CNBD1: variants seen among roughly 807,000 people sequenced by gnomAD.
The protein encoded by CNBD1 is cyclic nucleotide-binding domain-containing protein 1.
In CNBD1, 71 loss-of-function variants were observed where a neutral mutation model predicts 54.4. The observed-to-expected ratio is 1.30, with a 90% confidence interval of 1.08 to 1.59. CNBD1 has a LOEUF of 1.59. CNBD1 is among the 40% of genes most tolerant of loss of function. CNBD1 has a pLI of 0.00. For synonymous variants in CNBD1, 182 were observed against 170.7 expected (o/e 1.07, Z -0.51); for missense variants, 659 against 518.0 (o/e 1.27, Z -2.64).
At chr8:87,422,148 T>A (rs1375913144) in intron 2 of CNBD1, among the ~76,000 whole-genome samples, 2 of 147,248 alleles carry the variant, frequency 1.4e-5, no homozygotes, top group Non-Finnish European at 3.0e-5. Context: ...TAAATTTGTT[T>A]GAGTTCATTG....
At chr8:87,382,948 T>C (rs918760968), downstream of CNBD1, 7 of 206,462 alleles carry the variant, frequency 3.4e-5, no homozygotes, top group African/African-American at 1.6e-4. Context: ...TAAATGTTTA[T>C]ATGACCATGC....
chr8:86,981,586 T>C (rs1257941681), intron 4 of CNBD1, among the ~76,000 whole-genome samples: 1 of 152,202 alleles, frequency 6.6e-6, no homozygotes, highest in Non-Finnish European at 1.5e-5. Context: ...GCAGTACATC[T>C]TCCTGAAACC....
At chr8:87,086,508 A>C (rs1811099246) in intron 4 of CNBD1, among the ~76,000 whole-genome samples, 2 of 152,242 alleles carry the variant, frequency 1.3e-5, no homozygotes. Context: ...GTATATTGGC[A>C]AAAGTCTACA....
intron 4 of CNBD1, among the ~76,000 whole-genome samples, chr8:87,160,949 A>T (rs1354519609): frequency 1.3e-5 from 2 of 152,058 alleles, no homozygotes; most frequent in East Asian, 3.9e-4. Context: ...CGTGTTAAGG[A>T]ATTGGCTTAA....
At chr8:87,171,307 C>T (rs1813080575) in intron 4 of CNBD1, among the ~76,000 whole-genome samples, 1 of 151,878 alleles carries the variant, frequency 6.6e-6, no homozygotes, top group Admixed American at 6.6e-5. Flanking sequence ...ATGTTGGTGG[C>T]ATATAGTTCC....
At chr8:87,136,504 TTCC>T (rs1051752061) in intron 4 of CNBD1, among the ~76,000 whole-genome samples, 19 of 130,334 alleles carry the variant, frequency 1.5e-4, no homozygotes, top group African/African-American at 5.5e-4. Flanking sequence ...ATTTTTTTAC[TTCC>T]TTATTTTTAT....
intron 6 of CNBD1, among the ~76,000 whole-genome samples, chr8:87,265,094 G>A (rs1184626121): frequency 1.3e-5 from 2 of 152,072 alleles, no homozygotes; most frequent in East Asian, 3.8e-4. Flanking sequence ...GTCCTGAATG[G>A]TATTGCCTAG....
intron 4 of CNBD1, among the ~76,000 whole-genome samples, chr8:87,130,574 C>G (rs1379983897): frequency 1.3e-5 from 2 of 151,914 alleles, no homozygotes; most frequent in Non-Finnish European, 2.9e-5. Context: ...CCCAGGAGGT[C>G]AAGACCAGCT....
At chr8:87,366,621 A>G (rs1810648298) in intron 10 of CNBD1, among the ~76,000 whole-genome samples, 2 of 152,084 alleles carry the variant, frequency 1.3e-5, no homozygotes, top group African/African-American at 4.8e-5. Flanking sequence ...GTAATATAAC[A>G]TAATCACAGG....
At chr8:86,908,904 C>G (rs1178539766) in intron 3 of CNBD1, among the ~76,000 whole-genome samples, 1 of 151,344 alleles carries the variant, frequency 6.6e-6, no homozygotes, top group African/African-American at 2.4e-5. Context: ...ACTACAGGCA[C>G]CCGCCACTAC....
At chr8:87,022,709 T>A (rs558006641) in intron 4 of CNBD1, among the ~76,000 whole-genome samples, 1 of 152,364 alleles carries the variant, frequency 6.6e-6, no homozygotes, top group South Asian at 2.1e-4. Flanking sequence ...AATGAAATCA[T>A]CTTTGTTAGA....
chr8:87,286,173 C>CA (rs768834174), intron 7 of CNBD1, among the ~76,000 whole-genome samples: 4 of 152,196 alleles, frequency 2.6e-5, no homozygotes, highest in East Asian at 3.9e-4. Context: ...CTAGCTTTAA[C>CA]AAAAAATTCT....
At chr8:87,399,437 G>A (rs1247736393) in intron 2 of CNBD1, among the ~76,000 whole-genome samples, 1 of 151,962 alleles carries the variant, frequency 6.6e-6, no homozygotes, top group African/African-American at 2.4e-5. Context: ...TCACTTAATT[G>A]GAGGTAAACT....
intron 8 of CNBD1, among the ~76,000 whole-genome samples, chr8:87,316,680 A>T (rs1809394525): frequency 6.6e-6 from 1 of 151,934 alleles, no homozygotes; most frequent in South Asian, 2.1e-4. Flanking sequence ...AACTTATGAA[A>T]CATTCACACA....
intron 8 of CNBD1, among the ~76,000 whole-genome samples, chr8:87,302,513 C>T (rs1410999586): frequency 1.3e-5 from 2 of 152,052 alleles, no homozygotes; most frequent in South Asian, 2.1e-4. Flanking sequence ...CTATTTATGA[C>T]AAACCCACAG....
At chr8:87,111,514 T>C (rs1811661516) in intron 4 of CNBD1, among the ~76,000 whole-genome samples, 1 of 152,310 alleles carries the variant, frequency 6.6e-6, no homozygotes, top group Non-Finnish European at 1.5e-5. Context: ...GAGTCACTTC[T>C]GTATGTACCT....
At chr8:86,951,505 G>A (rs1047120533) in intron 4 of CNBD1, among the ~76,000 whole-genome samples, 3 of 143,314 alleles carry the variant, frequency 2.1e-5, no homozygotes, top group Non-Finnish European at 4.5e-5. Context: ...ACTTGAACCT[G>A]GGAGGCAGAG....
intron 10 of CNBD1, among the ~76,000 whole-genome samples, chr8:87,373,680 G>T (rs1318064289): frequency 6.6e-6 from 1 of 151,738 alleles, no homozygotes; most frequent in Non-Finnish European, 1.5e-5. Flanking sequence ...TATAGGAATT[G>T]CCAATTCAGG....
intron 4 of CNBD1, among the ~76,000 whole-genome samples, chr8:87,112,795 GA>G (rs1418324221): frequency 6.6e-6 from 1 of 152,078 alleles, no homozygotes; most frequent in African/African-American, 2.4e-5. Flanking sequence ...TGGCTACTGA[GA>G]AATTCAGTTT....
Sources: allele counts gnomAD v4.1 joint callset (sites outside exome capture counted in the v4.1 genomes callset), GRCh38; gene constraint gnomAD v4.1.1; transcripts MANE v1.5; gene names NCBI Gene and HGNC (gene_info 2026-07-23, HGNC 2026-07-21).